The following BCL11A variants were observed in gnomAD, a reference collection of about 807,000 sequenced individuals.
The protein encoded by BCL11A is BCL11 transcription factor A, also known as B cell CLL/lymphoma 11A.
BCL11A carries 2 observed loss-of-function variants against 55.9 expected under a neutral mutation model. That is an observed-to-expected ratio of 0.04 (90% confidence interval 0.01 to 0.11). BCL11A has a LOEUF of 0.11. BCL11A is among the 10% of genes least tolerant of loss of function. The pLI is 1.00. For missense variants in BCL11A, 817 were observed against 1,137.1 expected, an observed-to-expected ratio of 0.72 and a Z score of 4.05; for synonymous variants, 465 against 473.4, an observed-to-expected ratio of 0.98 and a Z score of 0.23.
At chr2:60,533,644 T>C (rs1044131841) in intron 2 of BCL11A, 2 of 152,206 alleles carry the variant, frequency 1.3e-5, no homozygotes, top group African/African-American at 2.4e-5. Context: ...AAAATGATAG[T>C]GCGTGTGGAA....
At chr2:60,518,818 C>A (rs1668849051) in intron 2 of BCL11A, among the ~76,000 whole-genome samples, 1 of 152,172 alleles carries the variant, frequency 6.6e-6, no homozygotes, top group Non-Finnish European at 1.5e-5. Context: ...TCAGGTCAAG[C>A]TGGATGGACA....
chr2:60,544,936 T>A (rs1470842147), intron 2 of BCL11A: 1 of 152,236 alleles, frequency 6.6e-6, no homozygotes, highest in Middle Eastern at 3.2e-3. Flanking sequence ...TAGCCTTTAA[T>A]TCCTTTTCCC....
In BCL11A at chr2:60,460,722, C is replaced by T. The variant is rs770188408; in HGVS notation, c.2190G>A (p.Pro730=). The part of the protein sequence containing the change: ...GSTPHISGPG[P]GRPSSKEGRR... ...TGCCCTCTTTTGAGCTGGGCCTGCC[C>T]GGGCCCGGACCACTAATATGGGGCG... Residue 730 remains proline, a synonymous_variant, in exon 4 of 4, where the codon CCG becomes CCA. Coordinates refer to ENST00000642384, the MANE Select transcript of BCL11A (RefSeq NM_022893.4). 3 of 1,614,158 alleles carry T rather than the reference C, an allele frequency of 1.9e-6. No individual in the cohort carries two copies. The highest frequency in any genetic ancestry group is 1.7e-5 in the Admixed American group (1 of 60,028).
At chr2:60,488,920 C>T (rs1026207495) in intron 2 of BCL11A, among the ~76,000 whole-genome samples, 4 of 152,178 alleles carry the variant, frequency 2.6e-5, no homozygotes, top group South Asian at 2.1e-4. Context: ...CCACCACACG[C>T]GGCTAATTTC....
chr2:60,551,330 A>G lies in BCL11A; in HGVS notation c.55+1886T>C, dbSNP rs572003222. 2.9e-3 allele frequency among the ~76,000 whole-genome samples: 436 copies of G among 152,344 alleles called. 2 individuals carry two copies. Among genetic ancestry groups the G allele is most frequent in the Non-Finnish European group, 5.2e-3 (353 of 68,022 alleles). The stretch of plus-strand genomic sequence containing the variant: ...CCTCAGACCAAGCCAGGCCTGGGGA[A>G]GAGGGCAAGACCCAAAGGGTGAAGT... On this transcript the variant is annotated intron_variant, in intron 1 of 3. Coordinates refer to ENST00000642384, the MANE Select transcript of BCL11A (RefSeq NM_022893.4).
intron 3 of BCL11A, among the ~76,000 whole-genome samples, chr2:60,466,186 GACTTTCCT>G (rs70953654): frequency 0.078 from 11,892 of 152,200 alleles, 568 homozygotes; most frequent in Non-Finnish European, 0.11. Context: ...ATCAAGCTCA[GACTTTCCT>G]ACCAGTCAAA....
chr2:60,454,888 T>C (rs1675872577), downstream of BCL11A, among the ~76,000 whole-genome samples: 1 of 152,222 alleles, frequency 6.6e-6, no homozygotes, highest in East Asian at 1.9e-4. Context: ...AAAAATGGTA[T>C]TTAAATAAAC....
At chr2:60,455,690 C>T (rs139999356), downstream of BCL11A, among the ~76,000 whole-genome samples, 156 of 152,304 alleles carry the variant, frequency 1.0e-3, 1 homozygote, top group African/African-American at 3.4e-3. Context: ...CTAAGAGCAG[C>T]ATATACTGAG....
chr2:60,545,431 A>G (rs1670104509), intron 2 of BCL11A: 1 of 156,936 alleles, frequency 6.4e-6, no homozygotes, highest in Non-Finnish European at 1.4e-5. Flanking sequence ...TATGGATCCA[A>G]GGCTAGCCCT....
At chr2:60,540,790 C>G (rs1233399693) in intron 2 of BCL11A, among the ~76,000 whole-genome samples, 1 of 152,158 alleles carries the variant, frequency 6.6e-6, no homozygotes, top group Non-Finnish European at 1.5e-5. Context: ...CGTTTCTACA[C>G]CCAGTTGCAT....
Position 60,461,419 on chromosome 2 carries a change from T to A in BCL11A, c.1493A>T (p.Glu498Val), listed in dbSNP as rs1469971324. 6.2e-7 allele frequency: 1 copy of A among 1,603,692 alleles called. No individual in the cohort carries two copies. The highest frequency in any genetic ancestry group is 1.1e-5 in the South Asian group (1 of 90,594). ...CGTCAGCTCCTCCTCCTCCTCTTCC[T>A]CCTCTTCTTCCTCTTCCTCGTCGTC... Reference protein sequence around the residue: ...EEDDEEEEEEEEEEEEELTES... With the variant: ...EEDDEEEEEEVEEEEEELTES... Residue 498 changes from glutamate to valine, a missense_variant, in exon 4 of 4, where the codon GAG (glutamate) becomes GTG (valine). By Grantham distance (121) the Glu-to-Val change is moderately radical. This residue lies in a region of BCL11A where 379 missense variants were observed against 425.3 expected (regional missense o/e 0.89). Coordinates refer to ENST00000642384, the MANE Select transcript of BCL11A (RefSeq NM_022893.4).
chr2:60,467,233 G>A (rs1483229214), intron 3 of BCL11A, among the ~76,000 whole-genome samples: 4 of 121,636 alleles, frequency 3.3e-5, no homozygotes, highest in Non-Finnish European at 3.6e-5. Flanking sequence ...TGGTGGTGGT[G>A]GTAGTGATGG....
intron 2 of BCL11A, among the ~76,000 whole-genome samples, chr2:60,473,555 C>CT (rs1205998873): frequency 6.6e-6 from 1 of 152,184 alleles, no homozygotes. Context: ...AATCCGATTA[C>CT]TAGGTTCAAG....
In BCL11A at chr2:60,498,364, C is replaced by T. The variant is rs190502487; in HGVS notation, c.386-29531G>A. On this transcript the variant is annotated intron_variant, in intron 2 of 3. Transcript: ENST00000642384. The stretch of plus-strand genomic sequence containing the variant: ...AGTGTGTGCCGACAACTCCCTACCG[C>T]GACCCCTATCAGTGCCGACCAAGCA... Among the ~76,000 whole-genome samples the T allele has an allele frequency of 1.9e-4, 29 of 152,130 alleles. No individual in the cohort carries two copies. In the East Asian group the frequency reaches 4.9e-3, roughly 25 times the overall value.
rs1209023719 is a variant in BCL11A at position 60,459,272 on chromosome 2, G to T, written c.*1132C>A. The T allele has an allele frequency of 2.0e-6, 2 of 1,017,114 alleles. No homozygotes were observed. Among genetic ancestry groups the T allele is most frequent in the African/African-American group, 3.4e-5 (2 of 58,450 alleles). The allele number at this position is 1,017,114 out of a possible 1,614,324, so 63.0% of individuals were successfully genotyped here. A position where few individuals can be genotyped will look rare whatever the true frequency, so the allele number is the denominator to read the frequency against. ...TCTGGATCTATTTCTTTTGGTGCCAGTATTTTTAAAAAGACATTATTAAAG... is the reference window on the plus strand; with the variant it reads ...TCTGGATCTATTTCTTTTGGTGCCATTATTTTTAAAAAGACATTATTAAAG... On this transcript the variant is annotated 3_prime_UTR_variant, in exon 4 of 4. Coordinates refer to ENST00000642384, the MANE Select transcript of BCL11A (RefSeq NM_022893.4).
intron 2 of BCL11A, among the ~76,000 whole-genome samples, chr2:60,507,920 A>C (rs1248037771): frequency 6.6e-6 from 1 of 152,200 alleles, no homozygotes; most frequent in African/African-American, 2.4e-5. Context: ...CTAAAGCAAA[A>C]GAACAAAAAA....
chr2:60,501,428 TG>T (rs991459241), intron 2 of BCL11A, among the ~76,000 whole-genome samples: 15 of 151,912 alleles, frequency 9.9e-5, no homozygotes, highest in African/African-American at 2.4e-4. Flanking sequence ...ATACTTTACC[TG>T]GTTTGTAAGT....
At chr2:60,519,490 G>C (rs1002664948) in intron 2 of BCL11A, among the ~76,000 whole-genome samples, 10 of 152,128 alleles carry the variant, frequency 6.6e-5, no homozygotes, top group African/African-American at 2.4e-4. Flanking sequence ...GAACATCGTA[G>C]GAAAAAGGTG....
intron 2 of BCL11A, among the ~76,000 whole-genome samples, chr2:60,529,364 G>A (rs1222417159): frequency 6.6e-6 from 1 of 152,200 alleles, no homozygotes; most frequent in Non-Finnish European, 1.5e-5. Flanking sequence ...TACAGATTGA[G>A]GAAGCGGAGG....
Sources: gnomAD v4.1 joint callset for allele counts (sites outside exome capture counted in the v4.1 genomes callset) on GRCh38, gnomAD v4.1.1 for gene constraint, gnomAD v4.1.1 regional missense constraint, MANE v1.5 for transcripts, NCBI Gene and HGNC (gene_info 2026-07-23, HGNC 2026-07-21) for gene names.